The following EPHB1 variants were observed in gnomAD, a reference collection of about 807,000 sequenced individuals.
EPHB1 encodes the protein EPH receptor B1.
A neutral mutation model predicts 94.4 loss-of-function variants in EPHB1; 30 were observed. The ratio of observed to expected loss-of-function variants is 0.32; its 90% CI spans 0.24 to 0.43. The LOEUF (loss-of-function observed/expected upper bound fraction) is 0.43, where lower values mean the gene tolerates loss of function less well. Ranked by LOEUF, EPHB1 falls within the 20% of genes least tolerant of loss-of-function variation. The pLI is 1.00. For missense variants in EPHB1, 1,055 were observed against 1,308.3 expected, an observed-to-expected ratio of 0.81 and a Z score of 2.99; for synonymous variants, 522 against 489.1, an observed-to-expected ratio of 1.07 and a Z score of -0.89.
At chr3:135,191,011 G>A (rs1029434411) in intron 10 of EPHB1, among the ~76,000 whole-genome samples, 1 of 152,022 alleles carries the variant, frequency 6.6e-6, no homozygotes, top group African/African-American at 2.4e-5. Context: ...GGAGGCTGAG[G>A]CAAGATGATC....
At chr3:135,249,589 C>A in intron 15 of EPHB1, 98 bp downstream of exon 15, 1 of 1,408,788 alleles carries the variant, frequency 7.1e-7, no homozygotes, top group Non-Finnish European at 9.7e-7. Context: ...GGCCTCATCC[C>A]TGGAGCTCCG....
intron 3 of EPHB1, among the ~76,000 whole-genome samples, chr3:135,027,977 A>C (rs1443452300): frequency 4.1e-5 from 6 of 145,564 alleles, no homozygotes; most frequent in African/African-American, 1.5e-4. Flanking sequence ...CAAGGAATTT[A>C]TCCATTTCTT....
At chr3:135,003,345 C>A (rs1183750354) in intron 3 of EPHB1, among the ~76,000 whole-genome samples, 2 of 151,944 alleles carry the variant, frequency 1.3e-5, no homozygotes, top group Non-Finnish European at 2.9e-5. Context: ...AATTTCTGTT[C>A]TTTTACCTTT....
chr3:134,941,713 A>G (rs545152845), intron 2 of EPHB1, among the ~76,000 whole-genome samples: 145 of 151,688 alleles, frequency 9.6e-4, no homozygotes, highest in Admixed American at 2.5e-3. Context: ...GTTTTTACAG[A>G]TAAATGAGTT....
intron 3 of EPHB1, among the ~76,000 whole-genome samples, chr3:134,994,177 T>C (rs1934912365): frequency 6.6e-6 from 1 of 152,266 alleles, no homozygotes; most frequent in Admixed American, 6.5e-5. Context: ...TTTATCATTT[T>C]ATTTATTGTT....
chr3:135,061,135 A>G (rs1937489076), intron 3 of EPHB1, among the ~76,000 whole-genome samples: 1 of 152,194 alleles, frequency 6.6e-6, no homozygotes, highest in Non-Finnish European at 1.5e-5. Context: ...TCATTTAAAA[A>G]AAAATTTCCA....
At chr3:134,820,702 C>G (rs1284082133) in intron 1 of EPHB1, among the ~76,000 whole-genome samples, 1 of 152,108 alleles carries the variant, frequency 6.6e-6, no homozygotes, top group Non-Finnish European at 1.5e-5. Flanking sequence ...AGTGCACACT[C>G]CCACCACTCG....
rs531195895 is a variant in EPHB1 at position 134,880,038 on chromosome 3, T to C, written c.59-45778T>C. On this transcript the variant is annotated intron_variant, in intron 1 of 15. Transcript: ENST00000398015. ...TGCCAAATGCTGGAGTTCAGTGGCC[T>C]TCCCTGATGCTGCACTTTCCTCTTC... is the stretch of plus-strand genomic sequence containing the variant. Among the ~76,000 whole-genome samples, 9 of 152,342 alleles carry C rather than the reference T, an allele frequency of 5.9e-5. No individual in the cohort carries two copies. The East Asian group carries it at 1.7e-3, about 29-fold the overall frequency.
chr3:135,181,204 T>C (rs184307552), intron 10 of EPHB1, among the ~76,000 whole-genome samples: 1 of 152,330 alleles, frequency 6.6e-6, no homozygotes, highest in African/African-American at 2.4e-5. Flanking sequence ...CTTGAATAGC[T>C]TCGTCCTCAC....
chr3:135,006,221 A>C (rs1329601100), intron 3 of EPHB1, among the ~76,000 whole-genome samples: 1 of 152,196 alleles, frequency 6.6e-6, no homozygotes, highest in Non-Finnish European at 1.5e-5. Context: ...TACTAAGTGA[A>C]AGAAGCCAGA....
At chr3:135,059,944 T>G (rs1937447859) in intron 3 of EPHB1, among the ~76,000 whole-genome samples, 1 of 152,190 alleles carries the variant, frequency 6.6e-6, no homozygotes, top group African/African-American at 2.4e-5. Context: ...CAGCCAGCAC[T>G]GTAGATTAGC....
intron 2 of EPHB1, among the ~76,000 whole-genome samples, chr3:134,927,456 T>C (rs1187946914): frequency 6.6e-6 from 1 of 152,188 alleles, no homozygotes; most frequent in Non-Finnish European, 1.5e-5. Flanking sequence ...AGTAACACTG[T>C]GGGCAACCAG....
intron 3 of EPHB1, among the ~76,000 whole-genome samples, chr3:134,966,689 A>G (rs1366475411): frequency 6.6e-6 from 1 of 152,224 alleles, no homozygotes; most frequent in Non-Finnish European, 1.5e-5. Context: ...CAGCTTGGAA[A>G]ATATGTCCCG....
intron 1 of EPHB1, among the ~76,000 whole-genome samples, chr3:134,855,002 C>T (rs2037080817): frequency 1.3e-5 from 2 of 152,214 alleles, no homozygotes; most frequent in African/African-American, 4.8e-5. Flanking sequence ...CTCTCCTATA[C>T]ATGAGTGCAC....
chr3:134,824,903 A>G (rs1311846734), intron 1 of EPHB1, among the ~76,000 whole-genome samples: 1 of 152,188 alleles, frequency 6.6e-6, no homozygotes, highest in East Asian at 1.9e-4. Flanking sequence ...AAGCAGTAGT[A>G]GAGGCTTTGG....
At chr3:135,033,124 C>T (rs185458049) in intron 3 of EPHB1, among the ~76,000 whole-genome samples, 3 of 152,242 alleles carry the variant, frequency 2.0e-5, no homozygotes, top group East Asian at 3.9e-4. Flanking sequence ...CAGTGACCAC[C>T]GTAATAACTG....
intron 1 of EPHB1, among the ~76,000 whole-genome samples, chr3:134,893,005 C>T (rs527931184): frequency 7.6e-4 from 115 of 152,270 alleles, no homozygotes; most frequent in African/African-American, 2.3e-3. Flanking sequence ...CTCACACACA[C>T]GGTATCAGCC....
chr3:135,177,531 G>A (rs1553744828), intron 9 of EPHB1, among the ~76,000 whole-genome samples: 1 of 152,186 alleles, frequency 6.6e-6, no homozygotes, highest in Non-Finnish European at 1.5e-5. Flanking sequence ...CAACTCTGAA[G>A]CATGTGCTAA....
At chr3:134,986,661 G>C (rs953318730) in intron 3 of EPHB1, among the ~76,000 whole-genome samples, 1 of 150,970 alleles carries the variant, frequency 6.6e-6, no homozygotes, top group Admixed American at 6.6e-5. Flanking sequence ...GGCCAAAAAT[G>C]TTCTCTAAAA....
Sources: allele counts gnomAD v4.1 joint callset (sites outside exome capture counted in the v4.1 genomes callset), GRCh38; gene constraint gnomAD v4.1.1; transcripts MANE v1.5; gene names NCBI Gene and HGNC (gene_info 2026-07-23, HGNC 2026-07-21).